Variants in CXXC5 observed in about 807,000 individuals in gnomAD.
The protein encoded by CXXC5 is CXXC-type zinc finger protein 5.
CXXC5 carries 2 observed loss-of-function variants against 17.6 expected under a neutral mutation model. That is an observed-to-expected ratio of 0.11 (90% CI 0.05 to 0.36). The LOEUF (loss-of-function observed/expected upper bound fraction) is 0.36. CXXC5 is among the 10% of genes least tolerant of loss of function. The probability of loss-of-function intolerance (pLI) is 1.00; values close to 1 mark genes in which losing one functional copy is unlikely to be tolerated. For missense variants in CXXC5, 343 were observed against 458.3 expected (o/e 0.75, Z 2.30); for synonymous variants, 171 against 193.0 (o/e 0.89, Z 0.94).
intron 1 of CXXC5, among the ~76,000 whole-genome samples, chr5:139,650,409 C>T (rs972574991): frequency 1.6e-4 from 25 of 152,352 alleles, no homozygotes; most frequent in African/African-American, 5.8e-4. Flanking sequence ...GTCCCCCCCA[C>T]CCCCGCATTT....
chr5:139,653,167 C>CTGGGA, intron 1 of CXXC5, among the ~76,000 whole-genome samples: 1 of 152,320 alleles, frequency 6.6e-6, no homozygotes, highest in African/African-American at 2.4e-5. Flanking sequence ...GCAGCCTCCC[C>CTGGGA]GTCTGCCTGC....
chr5:139,676,977 T>TC (rs1756868677), intron 1 of CXXC5, among the ~76,000 whole-genome samples: 1 of 137,852 alleles, frequency 7.3e-6, no homozygotes, highest in African/African-American at 2.7e-5. Context: ...CCATGACTCG[T>TC]CCCCCCTCAG....
In CXXC5 at chr5:139,680,590, GGTGGCAGTGGCAGCA is replaced by G; in HGVS notation, c.73_87del (p.Ser25_Gly29del). The G allele has an allele frequency of 6.2e-7, 1 of 1,605,632 alleles. No individual in the cohort carries two copies. Among genetic ancestry groups the G allele is most frequent in the Admixed American group, 1.7e-5 (1 of 59,000 alleles). On this transcript the variant is annotated inframe_deletion, in exon 2 of 3. Transcript: ENST00000302517. ...TAGCAGCAGCAGCACCAATGGCAGCGGTGGCAGTGGCAGCAGTGGCCCAAAGGCAGGAGCAGCAGA... is the reference window on the plus strand; with the variant it reads ...TAGCAGCAGCAGCACCAATGGCAGCGGTGGCCCAAAGGCAGGAGCAGCAGA...
chr5:139,674,473 T>C (rs1038929982), intron 1 of CXXC5, among the ~76,000 whole-genome samples: 10 of 152,152 alleles, frequency 6.6e-5, no homozygotes, highest in Non-Finnish European at 1.3e-4. Flanking sequence ...TGTGCAGCTC[T>C]GCTGGGCCAG....
chr5:139,672,279 G>A (rs1357483809), intron 1 of CXXC5, among the ~76,000 whole-genome samples: 5 of 152,060 alleles, frequency 3.3e-5, no homozygotes, highest in Admixed American at 6.6e-5. Context: ...CACCACGCTC[G>A]GCTAATTTTT....
chr5:139,681,543 A>G lies in CXXC5; in HGVS notation c.924+96A>G, dbSNP rs901483043. 2.6e-5 allele frequency: 38 copies of G among 1,445,190 alleles called. No individual in the cohort carries two copies. In the African/African-American group the frequency reaches 5.7e-4, roughly 22 times the overall value. The allele number at this position is 1,445,190 out of a possible 1,614,324, so 89.5% of individuals were successfully genotyped here. On this transcript the variant is annotated intron_variant, in intron 2 of 2. Transcript: ENST00000302517. ...CTGACCCCACTTTTCCTACCTGGGC[A>G]AGTGTCTGGGGGATGCCCCCTCCCA...
intron 1 of CXXC5, among the ~76,000 whole-genome samples, chr5:139,652,377 A>G (rs1755262449): frequency 1.3e-5 from 2 of 149,714 alleles, no homozygotes; most frequent in East Asian, 2.0e-4. Context: ...CCTCCCCCCA[A>G]CGCTGAGCCC....
intron 1 of CXXC5, among the ~76,000 whole-genome samples, chr5:139,662,307 A>C (rs923204751): frequency 6.6e-6 from 1 of 152,116 alleles, no homozygotes; most frequent in Non-Finnish European, 1.5e-5. Context: ...TGTATAAGGA[A>C]GTCCTGGGGT....
intron 1 of CXXC5, among the ~76,000 whole-genome samples, chr5:139,679,022 C>T (rs1581628127): frequency 6.6e-6 from 1 of 152,226 alleles, no homozygotes; most frequent in East Asian, 1.9e-4. Flanking sequence ...TAGAGCAGGC[C>T]CTGCCCCGGG....
At chr5:139,671,564 A>G (rs1351709628) in intron 1 of CXXC5, among the ~76,000 whole-genome samples, 1 of 152,182 alleles carries the variant, frequency 6.6e-6, no homozygotes, top group Non-Finnish European at 1.5e-5. Flanking sequence ...TGGGCTGCCC[A>G]CAGGATTCTG....
rs982391240 is a variant in CXXC5, at chr5:139,658,516, C to T, written c.-161+9671C>T. Among the ~76,000 whole-genome samples the T allele has an allele frequency of 1.3e-5, 2 of 152,250 alleles. No individual in the cohort carries two copies. The highest frequency in any genetic ancestry group is 2.9e-5 in the Non-Finnish European group (2 of 68,038). ...GCCCCTAGCCAGCCCCTCTCTGGAG[C>T]TCTAGCCGGTGTGGAGAGTGGGCTG... On this transcript the variant is annotated intron_variant, in intron 1 of 2. Transcript: ENST00000302517. The surrounding 1 kb of genome is among the most constrained non-coding windows in gnomAD (Gnocchi z 4.1).
chr5:139,663,124 G>C lies in CXXC5; in HGVS notation c.-161+14279G>C, dbSNP rs1176757399. 6.6e-6 allele frequency among the ~76,000 whole-genome samples: 1 copy of C among 152,014 alleles called. No individual in the cohort carries two copies. Among genetic ancestry groups the C allele is most frequent in the Non-Finnish European group, 1.5e-5 (1 of 68,006 alleles). ...GAAGAGGCTGAGCTGGGGGCCAGGG[G>C]TTGGGGGAGGGATGGGAATGGGTTG... On this transcript the variant is annotated intron_variant, in intron 1 of 2. Coordinates refer to ENST00000302517, the MANE Select transcript of CXXC5 (RefSeq NM_016463.9). The surrounding 1 kb of genome is among the most constrained non-coding windows in gnomAD (Gnocchi z 4.2).
intron 2 of CXXC5, among the ~76,000 whole-genome samples, chr5:139,682,324 A>AC (rs1561553008): frequency 3.2e-5 from 4 of 125,602 alleles, no homozygotes; most frequent in East Asian, 2.1e-4. Context: ...CCCTCCCCCA[A>AC]CCCCAGCCCC....
At chr5:139,674,467 C>T (rs1011339717) in intron 1 of CXXC5, among the ~76,000 whole-genome samples, 2 of 152,166 alleles carry the variant, frequency 1.3e-5, no homozygotes, top group African/African-American at 4.8e-5. Flanking sequence ...CCAGGGTGTG[C>T]AGCTCTGCTG....
In CXXC5 at chr5:139,668,051, CTCT is replaced by C. The variant is rs1756210809; in HGVS notation, c.-160-12312_-160-12310del. 3.3e-5 allele frequency among the ~76,000 whole-genome samples: 5 copies of C among 151,926 alleles called. No individual in the cohort carries two copies. Among genetic ancestry groups the C allele is most frequent in the Non-Finnish European group, 4.4e-5 (3 of 67,948 alleles). On this transcript the variant is annotated intron_variant, in intron 1 of 2. Coordinates refer to ENST00000302517, the MANE Select transcript of CXXC5 (RefSeq NM_016463.9). This position sits in a 1 kb window ranked among gnomAD's most constrained non-coding sequence, Gnocchi z 4.1. ...CCACCTGCCCGAGGCCTCCCAGCCCCTCTCATCCCTTCCTGGGCTGGGCCTGCG... is the reference window on the plus strand; with the variant it reads ...CCACCTGCCCGAGGCCTCCCAGCCCCCATCCCTTCCTGGGCTGGGCCTGCG...
intron 1 of CXXC5, among the ~76,000 whole-genome samples, chr5:139,677,406 G>T (rs1334235551): frequency 6.6e-6 from 1 of 152,120 alleles, no homozygotes; most frequent in Non-Finnish European, 1.5e-5. Flanking sequence ...TCCATGAGTA[G>T]GGCAAATGGG....
In CXXC5 at chr5:139,681,357, C is replaced by T; in HGVS notation, c.834C>T (p.Cys278=). 1 of 1,606,214 alleles carries T rather than the reference C, an allele frequency of 6.2e-7. No individual in the cohort carries two copies. Among genetic ancestry groups the T allele is most frequent in the South Asian group, 1.1e-5 (1 of 90,372 alleles). Reference sequence around the variant, plus strand: ...GGCGGCGCATCAACTGCGAGCAGTGCAGCAGTTGTAGGAATCGAAAGACTG... The same window carrying T: ...GGCGGCGCATCAACTGCGAGCAGTGTAGCAGTTGTAGGAATCGAAAGACTG... ...PCRRRINCEQ[C]SSCRNRKTGH... Residue 278 remains cysteine, a synonymous_variant, in exon 2 of 3, where the codon TGC becomes TGT. Transcript: ENST00000302517.
Position 139,683,545 on chromosome 5 carries a change from G to A in CXXC5, c.*638G>A, listed in dbSNP as rs905017788. 5 of 152,362 alleles carry A rather than the reference G, an allele frequency of 3.3e-5. No individual in the cohort carries two copies. Among genetic ancestry groups the A allele is most frequent in the African/African-American group, 9.7e-5 (4 of 41,440 alleles). 9.4% of individuals were successfully genotyped at this position (152,362 alleles called of 1,614,324 possible). A position where few individuals can be genotyped will look rare whatever the true frequency, so the allele number is the denominator to read the frequency against. ...CCAGCTGAGCTGCACCCACAGTCCC[G>A]AGACTGGGATCCCCCACCCCAACAG... On this transcript the variant is annotated 3_prime_UTR_variant, in exon 3 of 3. Transcript: ENST00000302517.
At chr5:139,649,176 A>T (rs1234216416) in intron 1 of CXXC5, 1 of 152,266 alleles carries the variant, frequency 6.6e-6, no homozygotes, top group Non-Finnish European at 1.5e-5. Flanking sequence ...GCTCGGTCGC[A>T]GATCACTGAG....
Sources: allele counts gnomAD v4.1 joint callset (sites outside exome capture counted in the v4.1 genomes callset), GRCh38; gene constraint gnomAD v4.1.1; non-coding constraint Gnocchi (gnomAD v3.1); transcripts MANE v1.5; gene names NCBI Gene and HGNC (gene_info 2026-07-23, HGNC 2026-07-21).